Variants in KIFAP3 observed in about 807,000 individuals in gnomAD.
KIFAP3 encodes kinesin associated protein 3.
KIFAP3 carries 68 observed loss-of-function variants against 106.5 expected under a neutral mutation model. That is an observed-to-expected ratio of 0.64 (90% CI 0.53 to 0.78). The LOEUF (loss-of-function observed/expected upper bound fraction) is 0.78, where lower values mean the gene tolerates loss of function less well. Ranked by LOEUF, KIFAP3 falls within the 30% of genes least tolerant of loss-of-function variation. The probability of loss-of-function intolerance (pLI) is 0.00; values close to 1 mark genes in which losing one functional copy is unlikely to be tolerated. For missense variants in KIFAP3, 780 were observed against 941.8 expected (o/e 0.83, Z 2.25); for synonymous variants, 320 against 311.5 (o/e 1.03, Z -0.29).
intron 18 of KIFAP3, chr1:169,958,044 C>T (rs904648758): frequency 1.3e-5 from 2 of 149,478 alleles, no homozygotes; most frequent in Admixed American, 6.7e-5. Context: ...TGACTTAATC[C>T]CTTTTGGATC....
intron 8 of KIFAP3, among the ~76,000 whole-genome samples, chr1:170,030,291 T>C (rs901473499): frequency 1.1e-4 from 17 of 151,960 alleles, no homozygotes; most frequent in African/African-American, 4.1e-4. Context: ...TCAATAAACA[T>C]AAAGAGATGG....
chr1:169,986,479 G>A (rs1354643753), intron 11 of KIFAP3, among the ~76,000 whole-genome samples: 1 of 151,818 alleles, frequency 6.6e-6, no homozygotes, highest in Non-Finnish European at 1.5e-5. Flanking sequence ...ACCACTGATA[G>A]TATCTCTGGG....
chr1:170,059,966 GC>G (rs1432810942), intron 1 of KIFAP3, among the ~76,000 whole-genome samples: 2 of 152,022 alleles, frequency 1.3e-5, no homozygotes, highest in East Asian at 1.9e-4. Context: ...AAATTCAACA[GC>G]CCTTCATGCT....
chr1:170,050,645 T>C (rs1214455388), intron 2 of KIFAP3, among the ~76,000 whole-genome samples: 1 of 152,216 alleles, frequency 6.6e-6, no homozygotes, highest in Non-Finnish European at 1.5e-5. Context: ...AGCGGATCTC[T>C]CTGCAGAAAT....
At chr1:169,943,692 T>C (rs1486886304) in intron 19 of KIFAP3, among the ~76,000 whole-genome samples, 1 of 152,202 alleles carries the variant, frequency 6.6e-6, no homozygotes, top group African/African-American at 2.4e-5. Flanking sequence ...AGAACCGTCA[T>C]CCTTGCTTAA....
intron 10 of KIFAP3, among the ~76,000 whole-genome samples, chr1:170,012,371 G>T (rs1021444080): frequency 2.0e-5 from 3 of 152,048 alleles, no homozygotes; most frequent in African/African-American, 7.2e-5. Flanking sequence ...TTTAATAAAT[G>T]ATAGTAAGAA....
intron 19 of KIFAP3, among the ~76,000 whole-genome samples, chr1:169,938,963 T>C (rs1663957191): frequency 6.6e-6 from 1 of 152,152 alleles, no homozygotes; most frequent in East Asian, 1.9e-4. Flanking sequence ...CTGGAATATT[T>C]GATGAGGCTG....
intron 19 of KIFAP3, among the ~76,000 whole-genome samples, chr1:169,953,229 T>C (rs1664819646): frequency 6.6e-6 from 1 of 152,146 alleles, no homozygotes; most frequent in African/African-American, 2.4e-5. Flanking sequence ...AACTTTATTA[T>C]AATTGCAAAA....
chr1:170,076,338 T>C (rs1240282589), upstream of KIFAP3, among the ~76,000 whole-genome samples: 2 of 152,212 alleles, frequency 1.3e-5, no homozygotes, highest in Non-Finnish European at 2.9e-5. Flanking sequence ...ACTGTCTGTC[T>C]GTGGCAGGAA....
At chr1:169,936,545 A>AT (rs1663811150) in intron 19 of KIFAP3, among the ~76,000 whole-genome samples, 2 of 151,858 alleles carry the variant, frequency 1.3e-5, no homozygotes. Context: ...AAAAAGTTGT[A>AT]TTTCAAAAAT....
chr1:170,012,897 A>G (rs1261916588), intron 10 of KIFAP3, among the ~76,000 whole-genome samples: 2 of 152,134 alleles, frequency 1.3e-5, no homozygotes, highest in African/African-American at 4.8e-5. Context: ...GGTGAGACTT[A>G]TTCACTACCA....
At chr1:170,053,622 CA>C (rs1670689135) in intron 2 of KIFAP3, among the ~76,000 whole-genome samples, 2 of 152,116 alleles carry the variant, frequency 1.3e-5, no homozygotes, top group South Asian at 4.1e-4. Context: ...ACCAAAATAG[CA>C]TGGTACTGGT....
rs762872524 is a variant in KIFAP3 at position 170,055,472 on chromosome 1, A to C, written c.33-36T>G. On this transcript the variant is annotated intron_variant, in intron 1 of 19. Coordinates refer to ENST00000361580, the MANE Select transcript of KIFAP3 (RefSeq NM_014970.4). ...AAATTGAAATGATATAACCAGATTA[A>C]AATTCTCAAAGTGGCCATGGTTTTT... The C allele has an allele frequency of 6.6e-6, 10 of 1,505,818 alleles. No individual in the cohort carries two copies. In the Admixed American group the frequency reaches 1.9e-4, roughly 28 times the overall value. The allele number at this position is 1,505,818 out of a possible 1,614,324, so 93.3% of individuals were successfully genotyped here. A position where few individuals can be genotyped will look rare whatever the true frequency, so the allele number is the denominator to read the frequency against.
intron 1 of KIFAP3, among the ~76,000 whole-genome samples, 169 bp downstream of exon 1, chr1:170,074,265 GCT>G (rs1671830783): frequency 6.6e-6 from 1 of 152,136 alleles, no homozygotes. Context: ...CCCCCCCAGA[GCT>G]CTCCTTTTTT....
chr1:169,948,148 G>C (rs1002957868), intron 19 of KIFAP3, among the ~76,000 whole-genome samples: 18 of 151,478 alleles, frequency 1.2e-4, no homozygotes, highest in Non-Finnish European at 2.5e-4. Context: ...AACAATCTAA[G>C]GCTCTTGTTC....
chr1:169,972,266 G>A (rs1665962154), intron 17 of KIFAP3, among the ~76,000 whole-genome samples: 1 of 151,834 alleles, frequency 6.6e-6, no homozygotes, highest in Non-Finnish European at 1.5e-5. Context: ...AAGTGACTCT[G>A]TGATGACATG....
rs1275535467 is a variant in KIFAP3 at position 169,969,698 on chromosome 1, GA to G, written c.1983+2814del. On this transcript the variant is annotated intron_variant, in intron 17 of 19. Transcript: ENST00000361580. ...TGACAGAAATCACTCTTTCACCAGA[GA>G]ACCTGGTTATATCCCTTTTCCTGTA... 2.0e-5 allele frequency among the ~76,000 whole-genome samples: 3 copies of G among 152,090 alleles called. No individual in the cohort carries two copies. In the East Asian group the frequency reaches 5.8e-4, roughly 29 times the overall value.
intron 1 of KIFAP3, among the ~76,000 whole-genome samples, chr1:170,062,549 G>C (rs1432834006): frequency 6.6e-6 from 1 of 151,992 alleles, no homozygotes; most frequent in Non-Finnish European, 1.5e-5. Flanking sequence ...TTTCTTCCAT[G>C]TTCTAAATAT....
At chr1:170,039,807 G>A (rs1669881848) in intron 3 of KIFAP3, among the ~76,000 whole-genome samples, 1 of 152,006 alleles carries the variant, frequency 6.6e-6, no homozygotes, top group African/African-American at 2.4e-5. Context: ...TAAATTAAAA[G>A]GCAAACATTT....
Sources: gnomAD v4.1 joint callset for allele counts (sites outside exome capture counted in the v4.1 genomes callset) on GRCh38, gnomAD v4.1.1 for gene constraint, MANE v1.5 for transcripts, NCBI Gene and HGNC (gene_info 2026-07-23, HGNC 2026-07-21) for gene names.